Variants in NFIB observed in about 807,000 individuals in gnomAD.
NFIB encodes nuclear factor I B, also known as nuclear factor 1 B-type.
In NFIB, 11 loss-of-function variants were observed where a neutral mutation model predicts 61.5. The observed-to-expected ratio is 0.18, with a 90% CI of 0.11 to 0.30. NFIB has a LOEUF of 0.30. Ranked by LOEUF, NFIB falls within the 10% of genes least tolerant of loss-of-function variation. NFIB has a pLI of 1.00. For synonymous variants in NFIB, 260 were observed against 216.5 expected (o/e 1.20, Z -1.76); for missense variants, 471 against 608.9 (o/e 0.77, Z 2.38).
At chr9:14,458,054 G>A in the NFIB span, among the ~76,000 whole-genome samples, 1 of 152,072 alleles carries the variant, frequency 6.6e-6, no homozygotes, top group Non-Finnish European at 1.5e-5. Context: ...GCCTGACAGA[G>A]ACACAACAAA....
the NFIB span, chr9:14,531,897 G>A: frequency 1.3e-5 from 2 of 152,124 alleles, no homozygotes; most frequent in African/African-American, 4.8e-5. Context: ...AGGAAGAAGG[G>A]AGGGAAGTTT....
At chr9:14,181,517 T>C (rs1250271051) in intron 2 of NFIB, among the ~76,000 whole-genome samples, 1 of 152,212 alleles carries the variant, frequency 6.6e-6, no homozygotes, top group Admixed American at 6.5e-5. Flanking sequence ...TCAATCTTCT[T>C]CGTTCTACAT....
chr9:14,222,876 C>T (rs549213273), intron 2 of NFIB, among the ~76,000 whole-genome samples: 1 of 151,754 alleles, frequency 6.6e-6, no homozygotes, highest in African/African-American at 2.4e-5. Flanking sequence ...TTCTTTCCTA[C>T]TCTTTGGACT....
intron 1 of NFIB, among the ~76,000 whole-genome samples, chr9:14,310,739 AGT>A (rs551880484): frequency 1.3e-5 from 2 of 152,324 alleles, no homozygotes; most frequent in African/African-American, 4.8e-5. Flanking sequence ...ATTGATGTTC[AGT>A]AATTCTCTTT....
At chr9:14,223,654 A>G (rs1194920454) in intron 2 of NFIB, among the ~76,000 whole-genome samples, 1 of 151,904 alleles carries the variant, frequency 6.6e-6, no homozygotes, top group Non-Finnish European at 1.5e-5. Flanking sequence ...TCAATGTGTA[A>G]AAGAGGAAGA....
At chr9:14,134,059 T>C (rs541610030) in intron 6 of NFIB, among the ~76,000 whole-genome samples, 2 of 152,116 alleles carry the variant, frequency 1.3e-5, no homozygotes, top group African/African-American at 4.8e-5. Flanking sequence ...AGACACATGG[T>C]GTGTTCCTTG....
chr9:14,395,359 G>A (rs2061672474), intron 1 of NFIB, among the ~76,000 whole-genome samples: 1 of 151,460 alleles, frequency 6.6e-6, no homozygotes, highest in Non-Finnish European at 1.5e-5. Flanking sequence ...ACATCTTAAG[G>A]AAGAAAGTTT....
chr9:14,290,775 C>T (rs1243238412), intron 2 of NFIB, among the ~76,000 whole-genome samples: 2 of 152,036 alleles, frequency 1.3e-5, no homozygotes, highest in Non-Finnish European at 2.9e-5. Flanking sequence ...GTTTGAGGAA[C>T]TTTCTTGTGT....
the NFIB span, among the ~76,000 whole-genome samples, chr9:14,516,423 G>T: frequency 6.6e-6 from 1 of 152,032 alleles, no homozygotes; most frequent in African/African-American, 2.4e-5. Context: ...GGCACTGACC[G>T]ATAACTTGTT....
chr9:14,187,047 G>GTC (rs1176966511), intron 2 of NFIB, among the ~76,000 whole-genome samples: 41 of 146,972 alleles, frequency 2.8e-4, no homozygotes, highest in African/African-American at 1.0e-3. Flanking sequence ...GTGTGTGTGT[G>GTC]TGTGTGTGTG....
chr9:14,505,481 C>A, the NFIB span, among the ~76,000 whole-genome samples: 5 of 152,144 alleles, frequency 3.3e-5, no homozygotes, highest in Non-Finnish European at 5.9e-5. Context: ...GCAGTCAGAG[C>A]CTTGAACTTG....
intron 8 of NFIB, among the ~76,000 whole-genome samples, chr9:14,117,851 A>T (rs1394382127): frequency 1.3e-5 from 2 of 152,154 alleles, no homozygotes; most frequent in Non-Finnish European, 2.9e-5. Context: ...TGCAGCAGTA[A>T]TGCAATTAAT....
intron 1 of NFIB, among the ~76,000 whole-genome samples, chr9:14,356,535 C>T (rs1656780707): frequency 6.6e-6 from 1 of 151,970 alleles, no homozygotes; most frequent in Non-Finnish European, 1.5e-5. Context: ...GGCAGTGCAG[C>T]CCCGTGTAAA....
chr9:14,472,317 C>T, the NFIB span, among the ~76,000 whole-genome samples: 3 of 152,214 alleles, frequency 2.0e-5, no homozygotes, highest in South Asian at 6.2e-4. Context: ...TAGCCTGGTG[C>T]TACTCCAAGT....
At chr9:14,350,334 C>T (rs2061091842) in intron 1 of NFIB, among the ~76,000 whole-genome samples, 1 of 152,168 alleles carries the variant, frequency 6.6e-6, no homozygotes. Context: ...GGGCGTTTCT[C>T]TAAGAAAAAA....
intron 2 of NFIB, among the ~76,000 whole-genome samples, chr9:14,192,795 T>G (rs780506328): frequency 1.3e-5 from 2 of 152,256 alleles, no homozygotes; most frequent in Non-Finnish European, 2.9e-5. Flanking sequence ...CATTCAGCTT[T>G]TCATCTATTC....
chr9:14,290,154 A>G (rs1157968034), intron 2 of NFIB, among the ~76,000 whole-genome samples: 6 of 152,096 alleles, frequency 3.9e-5, no homozygotes, highest in Non-Finnish European at 8.8e-5. Flanking sequence ...TTATTTCCTT[A>G]AGTAACTCAC....
At chr9:14,509,594 G>T in the NFIB span, among the ~76,000 whole-genome samples, 1 of 152,110 alleles carries the variant, frequency 6.6e-6, no homozygotes, top group African/African-American at 2.4e-5. Context: ...GGGAGCAAAC[G>T]TATCAACAGT....
chr9:14,179,123 G>T (rs894662340), intron 3 of NFIB, among the ~76,000 whole-genome samples: 1 of 151,980 alleles, frequency 6.6e-6, no homozygotes, highest in African/African-American at 2.4e-5. Flanking sequence ...AGAGCTATAT[G>T]AAGACAGCCA....
Sources: gnomAD v4.1 joint callset for allele counts (sites outside exome capture counted in the v4.1 genomes callset) on GRCh38, gnomAD v4.1.1 for gene constraint, MANE v1.5 for transcripts, NCBI Gene and HGNC (gene_info 2026-07-23, HGNC 2026-07-21) for gene names.